NLGN1: variants seen among roughly 807,000 people sequenced by gnomAD.
NLGN1 encodes the protein neuroligin-1.
A neutral mutation model predicts 65.5 loss-of-function variants in NLGN1; 12 were observed. The observed-to-expected ratio is 0.18, with a 90% CI of 0.12 to 0.30. The LOEUF (loss-of-function observed/expected upper bound fraction) is 0.30. NLGN1 is among the 10% of genes least tolerant of loss of function. The pLI, the probability that NLGN1 is intolerant of heterozygous loss-of-function variation, is 1.00. For missense variants in NLGN1, 750 were observed against 1,007.1 expected, an observed-to-expected ratio of 0.74 and a Z score of 3.46; for synonymous variants, 350 against 359.5, an observed-to-expected ratio of 0.97 and a Z score of 0.30.
chr3:173,971,102 A>G (rs370047315), intron 4 of NLGN1, among the ~76,000 whole-genome samples: 2 of 152,118 alleles, frequency 1.3e-5, no homozygotes, highest in African/African-American at 2.4e-5. Flanking sequence ...AGGGTGAAAA[A>G]CTGCGTGCAT....
At chr3:174,283,367 T>A (rs1473755402) in exon 7 of NLGN1, 1 of 151,484 alleles carries the variant, frequency 6.6e-6, no homozygotes, top group Non-Finnish European at 1.5e-5. Context: ...AGCTTTGTGT[T>A]GTTAAATATC....
chr3:174,179,621 G>A (rs1057178267), intron 4 of NLGN1, among the ~76,000 whole-genome samples: 1 of 152,048 alleles, frequency 6.6e-6, no homozygotes, highest in African/African-American at 2.4e-5. Context: ...AGAATTCCAT[G>A]TTAACTCTGG....
At chr3:173,491,821 C>G (rs181283466) in intron 2 of NLGN1, among the ~76,000 whole-genome samples, 17 of 151,846 alleles carry the variant, frequency 1.1e-4, no homozygotes, top group Admixed American at 5.2e-4. Flanking sequence ...ATTTAGCTCC[C>G]TATAGAATCA....
chr3:173,428,554 A>G (rs538883938), intron 1 of NLGN1, among the ~76,000 whole-genome samples: 1 of 151,944 alleles, frequency 6.6e-6, no homozygotes, highest in Non-Finnish European at 1.5e-5. Flanking sequence ...AAATGATTCA[A>G]TTTCCCCACA....
At chr3:173,916,228 G>A (rs1740699056) in intron 4 of NLGN1, among the ~76,000 whole-genome samples, 1 of 152,184 alleles carries the variant, frequency 6.6e-6, no homozygotes, top group Non-Finnish European at 1.5e-5. Context: ...ATAATGAGGA[G>A]TTTAAGTTCA....
chr3:173,438,270 A>C (rs529542948), intron 2 of NLGN1, among the ~76,000 whole-genome samples: 3 of 152,138 alleles, frequency 2.0e-5, no homozygotes, highest in Non-Finnish European at 4.4e-5. Flanking sequence ...TAGATGCATA[A>C]ATGTTTTGTG....
At chr3:173,690,119 A>G (rs1179824183) in intron 3 of NLGN1, among the ~76,000 whole-genome samples, 1 of 152,192 alleles carries the variant, frequency 6.6e-6, no homozygotes, top group Non-Finnish European at 1.5e-5. Context: ...GGACTCCAGA[A>G]TCCTTACTGA....
At position 173,711,277 on chromosome 3, in the gene NLGN1, A is replaced by G. The variant is rs752799591; in HGVS notation, c.494-96403A>G. Reference sequence around the variant, plus strand: ...TTAGATGCTTTATGGCTAAAAACCAACAGTGGGCTTGGTAATTTGTTTCTG... The same window carrying G: ...TTAGATGCTTTATGGCTAAAAACCAGCAGTGGGCTTGGTAATTTGTTTCTG... On this transcript the variant is annotated intron_variant, in intron 3 of 6. Transcript: ENST00000457714. Among the ~76,000 whole-genome samples, 7 of 152,342 alleles carry G rather than the reference A, an allele frequency of 4.6e-5. No individual in the cohort carries two copies. The East Asian group carries it at 7.7e-4, about 17-fold the overall frequency.
chr3:173,571,862 A>G lies in NLGN1; in HGVS notation c.-320-32417A>G, dbSNP rs1180234293. Among the ~76,000 whole-genome samples, 3 of 152,180 alleles carry G rather than the reference A, an allele frequency of 2.0e-5. No individual in the cohort carries two copies. In the East Asian group the frequency reaches 5.8e-4, roughly 29 times the overall value. ...CCATTCTCAAAAGCAAAACTTAGGT[A>G]TGTGTTAGGTTAAAAGATCTTCCTT... On this transcript the variant is annotated intron_variant, in intron 2 of 6. Transcript: ENST00000457714.
intron 1 of NLGN1, among the ~76,000 whole-genome samples, chr3:173,406,719 T>C (rs1577308337): frequency 6.6e-6 from 1 of 151,920 alleles, no homozygotes; most frequent in Non-Finnish European, 1.5e-5. Context: ...CTGTATTGTA[T>C]TTGAAAATTG....
intron 4 of NLGN1, among the ~76,000 whole-genome samples, chr3:173,928,747 C>T (rs1428373804): frequency 6.6e-6 from 1 of 151,458 alleles, no homozygotes; most frequent in Non-Finnish European, 1.5e-5. Context: ...TCTCGGCTCC[C>T]TGCAACCTCT....
intron 4 of NLGN1, among the ~76,000 whole-genome samples, chr3:174,168,549 G>A (rs1727951979): frequency 6.6e-6 from 1 of 152,044 alleles, no homozygotes; most frequent in African/African-American, 2.4e-5. Context: ...TATTGGGCTG[G>A]GCAGTTCATC....
chr3:173,396,637 T>C (rs1025560756), upstream of NLGN1: 1 of 152,322 alleles, frequency 6.6e-6, no homozygotes, highest in Non-Finnish European at 1.5e-5. Flanking sequence ...GGCTGCACAC[T>C]AAGCACCACG....
intron 2 of NLGN1, among the ~76,000 whole-genome samples, chr3:173,562,937 C>G (rs1250044320): frequency 6.6e-6 from 1 of 152,154 alleles, no homozygotes; most frequent in African/African-American, 2.4e-5. Context: ...GATTGACCTA[C>G]CATGTCCAAG....
chr3:173,917,734 C>A (rs1741023890), intron 4 of NLGN1, among the ~76,000 whole-genome samples: 1 of 152,088 alleles, frequency 6.6e-6, no homozygotes, highest in African/African-American at 2.4e-5. Context: ...TCAGCAGACA[C>A]GATGTCTAAC....
rs139343814 is a variant in NLGN1, at chr3:173,741,966, C to G, written c.494-65714C>G. 2.3e-3 allele frequency among the ~76,000 whole-genome samples: 355 copies of G among 152,186 alleles called. 1 individual carries two copies. The highest frequency in any genetic ancestry group is 7.9e-3 in the African/African-American group (328 of 41,550). Reference sequence around the variant, plus strand: ...TTGTTGGAAGCTGGCCTTCCCACCCCCTCTAGGCCCTCTGGTGAATAAGCA... The same window carrying G: ...TTGTTGGAAGCTGGCCTTCCCACCCGCTCTAGGCCCTCTGGTGAATAAGCA... On this transcript the variant is annotated intron_variant, in intron 3 of 6. Transcript: ENST00000457714.
At chr3:174,008,788 A>G (rs771665230) in intron 4 of NLGN1, among the ~76,000 whole-genome samples, 5 of 151,726 alleles carry the variant, frequency 3.3e-5, no homozygotes, top group African/African-American at 1.2e-4. Flanking sequence ...TCCTTTCACA[A>G]TCTTGCATGT....
intron 3 of NLGN1, among the ~76,000 whole-genome samples, chr3:173,642,198 G>T (rs923039410): frequency 5.9e-5 from 9 of 152,082 alleles, no homozygotes; most frequent in Non-Finnish European, 1.0e-4. Flanking sequence ...CAATACAATG[G>T]ATGTCAGACA....
chr3:174,057,651 G>A (rs1225518649), intron 4 of NLGN1: 1 of 152,000 alleles, frequency 6.6e-6, no homozygotes, highest in Non-Finnish European at 1.5e-5. Flanking sequence ...GGATGGAAGG[G>A]CGATCTGGCT....
Sources: gnomAD v4.1 joint callset for allele counts (sites outside exome capture counted in the v4.1 genomes callset) on GRCh38, gnomAD v4.1.1 for gene constraint, MANE v1.5 for transcripts, NCBI Gene and HGNC (gene_info 2026-07-23, HGNC 2026-07-21) for gene names.